The following FMNL2 variants were observed in gnomAD, a reference collection of about 807,000 sequenced individuals.
FMNL2 encodes formin like 2.
FMNL2 carries 51 observed loss-of-function variants against 130.2 expected under a neutral mutation model. The observed-to-expected ratio is 0.39, with a 90% CI of 0.31 to 0.49. The LOEUF (loss-of-function observed/expected upper bound fraction) is 0.49, where lower values mean the gene tolerates loss of function less well. Ranked by LOEUF, FMNL2 falls within the 20% of genes least tolerant of loss-of-function variation. FMNL2 has a pLI of 0.85. For synonymous variants in FMNL2, 465 were observed against 467.1 expected, an observed-to-expected ratio of 1.00 and a Z score of 0.06; for missense variants, 977 against 1,316.2, an observed-to-expected ratio of 0.74 and a Z score of 3.99.
intron 24 of FMNL2, 78 bp downstream of exon 24, chr2:152,640,134 C>T: frequency 7.9e-7 from 1 of 1,273,326 alleles, no homozygotes; most frequent in South Asian, 1.6e-5. Context: ...ATACAAAGGA[C>T]CAGCAAGCCA....
At chr2:152,528,282 T>G (rs1322099056) in intron 2 of FMNL2, among the ~76,000 whole-genome samples, 3 of 152,202 alleles carry the variant, frequency 2.0e-5, no homozygotes, top group African/African-American at 7.2e-5. Flanking sequence ...AGATGCTATC[T>G]TAGCGTCCTA....
At position 152,560,062 on chromosome 2, in the gene FMNL2, T is replaced by C. The variant is rs544801858; in HGVS notation, c.444-821T>C. Among the ~76,000 whole-genome samples the C allele has an allele frequency of 3.1e-4, 47 of 152,352 alleles. 1 individual carries two copies. The highest frequency in any genetic ancestry group is 1.1e-3 in the African/African-American group (47 of 41,592). On this transcript the variant is annotated intron_variant, in intron 5 of 25. Transcript: ENST00000288670. ...TATTATTGTTTTTTCTTCTGCAGTA[T>C]CCTCTAAGATTTTCCTGAGGATATT... is the stretch of plus-strand genomic sequence containing the variant.
chr2:152,444,723 T>G (rs1456527052), intron 1 of FMNL2, among the ~76,000 whole-genome samples: 1 of 152,220 alleles, frequency 6.6e-6, no homozygotes, highest in African/African-American at 2.4e-5. Context: ...TTGTGGCAGC[T>G]GTTTCCTTGA....
intron 24 of FMNL2, 75 bp downstream of exon 24, chr2:152,640,131 G>C (rs965818251): frequency 2.3e-6 from 3 of 1,310,286 alleles, no homozygotes; most frequent in Non-Finnish European, 3.1e-6. Context: ...GCCATACAAA[G>C]GACCAGCAAG....
Position 152,619,837 on chromosome 2 carries a change from A to G in FMNL2, c.1837+119A>G, listed in dbSNP as rs186869882. 240 of 1,482,534 alleles carry G rather than the reference A, an allele frequency of 1.6e-4. No individual in the cohort carries two copies. The African/African-American group carries it at 3.0e-3, about 19-fold the overall frequency. 91.8% of individuals were successfully genotyped at this position (1,482,534 alleles called of 1,614,324 possible). ...GCAATGATGTGTATCTCTTCCTAGT[A>G]TAAGAAATTCCTGCTGATGTAGCCG... On this transcript the variant is annotated intron_variant, in intron 15 of 25. Coordinates refer to ENST00000288670, the MANE Select transcript of FMNL2 (RefSeq NM_052905.4).
chr2:152,551,256 C>A (rs910705620), intron 4 of FMNL2, among the ~76,000 whole-genome samples: 4 of 151,744 alleles, frequency 2.6e-5, no homozygotes, highest in Admixed American at 6.6e-5. Flanking sequence ...AATAGAAGAA[C>A]CTTGGTTGGG....
chr2:152,510,999 A>G (rs1692471942), intron 1 of FMNL2, among the ~76,000 whole-genome samples: 1 of 152,130 alleles, frequency 6.6e-6, no homozygotes, highest in Admixed American at 6.5e-5. Flanking sequence ...TTTTTTTGGT[A>G]ATTTAATCTT....
intron 9 of FMNL2, among the ~76,000 whole-genome samples, chr2:152,594,092 T>G (rs1001985528): frequency 1.1e-4 from 16 of 152,090 alleles, no homozygotes; most frequent in African/African-American, 3.1e-4. Context: ...GTCAAGAGGA[T>G]GAGAGGATTC....
At chr2:152,459,815 T>A (rs1370074357) in intron 1 of FMNL2, among the ~76,000 whole-genome samples, 2 of 152,134 alleles carry the variant, frequency 1.3e-5, no homozygotes, top group African/African-American at 4.8e-5. Context: ...TCAACAAAGC[T>A]GCAAAAGAAA....
chr2:152,366,877 G>A (rs1683586508), intron 1 of FMNL2, among the ~76,000 whole-genome samples: 1 of 152,120 alleles, frequency 6.6e-6, no homozygotes, highest in Non-Finnish European at 1.5e-5. Context: ...GGGCTGAAGT[G>A]GAGGATTGCT....
rs754341707 is a variant in FMNL2, at chr2:152,647,666, G to T, written c.3170-130G>T. 33 of 775,014 alleles carry T rather than the reference G, an allele frequency of 4.3e-5. No homozygotes were observed. In the South Asian group the frequency reaches 4.6e-4, roughly 11 times the overall value. 48.0% of individuals were successfully genotyped at this position (775,014 alleles called of 1,614,324 possible). On this transcript the variant is annotated intron_variant, in intron 25 of 25. Transcript: ENST00000288670. ...TTATGTCTTTGATTCAATGCTCAGT[G>T]AGTTTGAAGGGCCCATTAGCTGACT...
chr2:152,408,655 T>A (rs1686126911), intron 1 of FMNL2, among the ~76,000 whole-genome samples: 1 of 152,192 alleles, frequency 6.6e-6, no homozygotes, highest in South Asian at 2.1e-4. Context: ...GCATTTAATA[T>A]AGCTACCCTA....
At chr2:152,575,441 C>T (rs966028696) in intron 7 of FMNL2, among the ~76,000 whole-genome samples, 197 bp downstream of exon 7, 8 of 73,884 alleles carry the variant, frequency 1.1e-4, no homozygotes, top group African/African-American at 4.8e-4. Flanking sequence ...AGAAGAAAAA[C>T]CAACCAAACA....
At chr2:152,550,864 G>A (rs921118702) in intron 4 of FMNL2, among the ~76,000 whole-genome samples, 4 of 152,132 alleles carry the variant, frequency 2.6e-5, no homozygotes, top group Admixed American at 6.5e-5. Flanking sequence ...TAGGCTGTGC[G>A]TGGTGGTTCA....
rs542287129 is a variant in FMNL2, at chr2:152,414,667, C to T, written c.117+78947C>T. ...AGATGGCCCTGGCATCTGGAGAGTTCGAGGCCATTTTAGCTGGAGAGTTCG... is the reference window on the plus strand; with the variant it reads ...AGATGGCCCTGGCATCTGGAGAGTTTGAGGCCATTTTAGCTGGAGAGTTCG... On this transcript the variant is annotated intron_variant, in intron 1 of 25. Coordinates refer to ENST00000288670, the MANE Select transcript of FMNL2 (RefSeq NM_052905.4). 7.2e-5 allele frequency among the ~76,000 whole-genome samples: 11 copies of T among 152,198 alleles called. No individual in the cohort carries two copies. The South Asian group carries it at 1.9e-3, about 26-fold the overall frequency.
chr2:152,645,839 G>A (rs1683505337), intron 25 of FMNL2, among the ~76,000 whole-genome samples: 1 of 152,196 alleles, frequency 6.6e-6, no homozygotes, highest in South Asian at 2.1e-4. Context: ...GCGACTGAAA[G>A]CAGGTCCTGG....
chr2:152,632,133 T>C lies in FMNL2; in HGVS notation c.2676T>C (p.Ala892=), dbSNP rs372003150. ...AGCTTCATTATGTGGAAAAAGCTGC[T>C]GCAGGTACTTGATTTCAGCTATTAC... The part of the protein sequence containing the change: ...YNELHYVEKA[A]AVSLENVLLD... Residue 892 remains alanine, a synonymous_variant, in exon 21 of 26, where the codon GCT becomes GCC. Coordinates refer to ENST00000288670, the MANE Select transcript of FMNL2 (RefSeq NM_052905.4). 11 of 1,609,818 alleles carry C rather than the reference T, an allele frequency of 6.8e-6. No individual in the cohort carries two copies. The African/African-American group carries it at 1.5e-4, about 22-fold the overall frequency.
At chr2:152,553,771 A>T (rs1010961065) in intron 4 of FMNL2, among the ~76,000 whole-genome samples, 6 of 151,914 alleles carry the variant, frequency 3.9e-5, no homozygotes, top group Non-Finnish European at 8.8e-5. Flanking sequence ...TATAAATTAA[A>T]TGACATGTTT....
chr2:152,646,851 G>C (rs531139909), intron 25 of FMNL2, among the ~76,000 whole-genome samples: 3 of 152,168 alleles, frequency 2.0e-5, no homozygotes, highest in Non-Finnish European at 4.4e-5. Flanking sequence ...CTTCATCAAA[G>C]GGAGGCTGCA....
Sources: gnomAD v4.1 joint callset for allele counts (sites outside exome capture counted in the v4.1 genomes callset) on GRCh38, gnomAD v4.1.1 for gene constraint, MANE v1.5 for transcripts, NCBI Gene and HGNC (gene_info 2026-07-23, HGNC 2026-07-21) for gene names.